SYT16: variants seen among roughly 807,000 people sequenced by gnomAD.
The protein encoded by SYT16 is synaptotagmin 16, also known as synaptotagmin-16.
In SYT16, 42 loss-of-function variants were observed where a neutral mutation model predicts 61.4. The ratio of observed to expected loss-of-function variants is 0.68; its 90% CI spans 0.53 to 0.89. The LOEUF (loss-of-function observed/expected upper bound fraction) is 0.89. SYT16 is among the 40% of genes least tolerant of loss of function. The pLI is 0.00. For synonymous variants in SYT16, 314 were observed against 302.3 expected, an observed-to-expected ratio of 1.04 and a Z score of -0.40; for missense variants, 804 against 807.3, an observed-to-expected ratio of 1.00 and a Z score of 0.05.
chr14:61,829,482 G>A (rs1279640571), intron 1 of SYT16, among the ~76,000 whole-genome samples: 1 of 151,822 alleles, frequency 6.6e-6, no homozygotes, highest in Non-Finnish European at 1.5e-5. Flanking sequence ...ATTATTTCTT[G>A]AAATAGTTTC....
intron 3 of SYT16, among the ~76,000 whole-genome samples, chr14:62,042,858 T>C (rs554003451): frequency 6.6e-6 from 1 of 152,282 alleles, no homozygotes; most frequent in Non-Finnish European, 1.5e-5. Flanking sequence ...GCCTGGTAAT[T>C]TTCTCTAGGG....
At chr14:62,098,199 G>A (rs1052121080) in intron 7 of SYT16, among the ~76,000 whole-genome samples, 15 of 152,180 alleles carry the variant, frequency 9.9e-5, no homozygotes, top group African/African-American at 3.4e-4. Flanking sequence ...AGAGATCTGC[G>A]TTTACGCTTT....
At chr14:62,024,614 T>TA (rs1426997858) in intron 3 of SYT16, among the ~76,000 whole-genome samples, 1 of 152,064 alleles carries the variant, frequency 6.6e-6, no homozygotes, top group Non-Finnish European at 1.5e-5. Flanking sequence ...TTACAATCAG[T>TA]AAACCTGCAA....
chr14:61,943,781 G>C (rs1168524150), intron 1 of SYT16, among the ~76,000 whole-genome samples: 1 of 152,154 alleles, frequency 6.6e-6, no homozygotes. Context: ...ATGTCATATT[G>C]AATGGGCAAA....
At chr14:62,100,341 A>G in intron 7 of SYT16, 53 bp from the exon 8 acceptor site, 1 of 1,444,742 alleles carries the variant, frequency 6.9e-7, no homozygotes, top group Non-Finnish European at 9.2e-7. Flanking sequence ...AGCCAAACAG[A>G]GAGCACTAAT....
rs2057444111 is a variant in SYT16 at position 62,102,672 on chromosome 14, T to C, written c.*1965T>C. The C allele has an allele frequency of 6.6e-6, 1 of 152,236 alleles. No individual in the cohort carries two copies. The highest frequency in any genetic ancestry group is 1.5e-5 in the Non-Finnish European group (1 of 68,040). 9.4% of individuals were successfully genotyped at this position (152,236 alleles called of 1,614,324 possible). ...AAAGGGAAGTAGAACAGCCTCGCTA[T>C]GCTTTCCTTTATGCAGTAACATAAT... On this transcript the variant is annotated 3_prime_UTR_variant, in exon 8 of 8. Transcript: ENST00000683842.
At chr14:62,065,195 G>T (rs889228831) in intron 3 of SYT16, among the ~76,000 whole-genome samples, 17 of 152,328 alleles carry the variant, frequency 1.1e-4, no homozygotes, top group Admixed American at 9.8e-4. Context: ...GCTAGATAGG[G>T]CTTCAGCTTC....
At chr14:62,064,617 A>C (rs1395222261) in intron 3 of SYT16, among the ~76,000 whole-genome samples, 1 of 152,142 alleles carries the variant, frequency 6.6e-6, no homozygotes, top group Non-Finnish European at 1.5e-5. Flanking sequence ...TTCCATGGGG[A>C]AACAGATGGT....
At chr14:61,890,952 A>G (rs1294794120) in intron 1 of SYT16, among the ~76,000 whole-genome samples, 2 of 152,188 alleles carry the variant, frequency 1.3e-5, no homozygotes, top group East Asian at 1.9e-4. Context: ...GGAAATAAAT[A>G]TAAGTCCCTG....
chr14:62,044,845 A>T (rs1440038368), intron 3 of SYT16, among the ~76,000 whole-genome samples: 2 of 152,174 alleles, frequency 1.3e-5, no homozygotes, highest in Non-Finnish European at 2.9e-5. Flanking sequence ...TTTTTAATAC[A>T]TTATAAATTT....
intron 3 of SYT16, among the ~76,000 whole-genome samples, chr14:62,051,063 C>T (rs1386347802): frequency 6.6e-6 from 1 of 152,242 alleles, no homozygotes; most frequent in African/African-American, 2.4e-5. Flanking sequence ...TGCCTTGCCC[C>T]CAGAGGTGGA....
intron 3 of SYT16, among the ~76,000 whole-genome samples, chr14:62,012,881 A>C (rs1459090671): frequency 6.6e-6 from 1 of 152,252 alleles, no homozygotes; most frequent in Admixed American, 6.5e-5. Flanking sequence ...AGTAAAAGGA[A>C]TACAGACTGC....
At chr14:61,845,820 C>T (rs1036562980) in intron 1 of SYT16, among the ~76,000 whole-genome samples, 5 of 152,054 alleles carry the variant, frequency 3.3e-5, no homozygotes, top group Non-Finnish European at 7.4e-5. Flanking sequence ...CTATAAACTT[C>T]CCTCTTAGTA....
intron 1 of SYT16, among the ~76,000 whole-genome samples, chr14:61,920,745 T>C (rs929631196): frequency 2.0e-5 from 3 of 152,228 alleles, no homozygotes; most frequent in Admixed American, 1.3e-4. Flanking sequence ...AGTTGACTTA[T>C]TGATTATTTA....
chr14:62,078,172 A>AACACACAC (rs144022896), intron 5 of SYT16, among the ~76,000 whole-genome samples: 2,005 of 128,756 alleles, frequency 0.016, 32 homozygotes, highest in East Asian at 0.083. Flanking sequence ...TATATATATA[A>AACACACAC]ACACACACAC....
At chr14:61,977,704 T>C (rs1353791844) in intron 2 of SYT16, among the ~76,000 whole-genome samples, 1 of 152,100 alleles carries the variant, frequency 6.6e-6, no homozygotes, top group Non-Finnish European at 1.5e-5. Context: ...CACCCCATTT[T>C]TTTGCCCACC....
intron 1 of SYT16, among the ~76,000 whole-genome samples, chr14:61,911,702 A>C (rs920025059): frequency 3.3e-5 from 5 of 152,210 alleles, no homozygotes; most frequent in Non-Finnish European, 7.4e-5. Context: ...AGACTTTTTT[A>C]TAGTGCTTTG....
At chr14:61,909,760 G>A (rs1402063032) in intron 1 of SYT16, among the ~76,000 whole-genome samples, 1 of 152,188 alleles carries the variant, frequency 6.6e-6, no homozygotes, top group Non-Finnish European at 1.5e-5. Context: ...ATGTAATATA[G>A]CTTGTAATGG....
At chr14:62,065,416 G>A (rs2056020559) in intron 3 of SYT16, among the ~76,000 whole-genome samples, 2 of 152,112 alleles carry the variant, frequency 1.3e-5, no homozygotes, top group Non-Finnish European at 2.9e-5. Context: ...TGGTATATAT[G>A]TTTAGTATAT....
Sources: allele counts gnomAD v4.1 joint callset (sites outside exome capture counted in the v4.1 genomes callset), GRCh38; gene constraint gnomAD v4.1.1; transcripts MANE v1.5; gene names NCBI Gene and HGNC (gene_info 2026-07-23, HGNC 2026-07-21).